The following CALN1 variants were observed in gnomAD, a reference collection of about 807,000 sequenced individuals.
The protein encoded by CALN1 is calneuron 1, also known as calcium-binding protein 8.
A neutral mutation model predicts 30.6 loss-of-function variants in CALN1; 17 were observed. The ratio of observed to expected loss-of-function variants is 0.56; its 90% CI spans 0.38 to 0.83. The LOEUF is 0.83. Among genes scored for constraint, CALN1 ranks in the 40% least tolerant of loss-of-function variants. CALN1 has a pLI of 0.00. For synonymous variants in CALN1, 156 were observed against 131.4 expected (o/e 1.19, Z -1.28); for missense variants, 291 against 354.9 (o/e 0.82, Z 1.45).
At chr7:72,030,986 C>T (rs1023777653) in intron 4 of CALN1, among the ~76,000 whole-genome samples, 3 of 152,108 alleles carry the variant, frequency 2.0e-5, no homozygotes, top group Non-Finnish European at 4.4e-5. Context: ...TACCTGCCAC[C>T]GCCTCCCAAA....
chr7:72,190,299 C>T (rs181423173), intron 3 of CALN1, among the ~76,000 whole-genome samples: 13 of 152,202 alleles, frequency 8.5e-5, no homozygotes, highest in Non-Finnish European at 1.6e-4. Context: ...TGAGCCGAGC[C>T]GAGATTGCAC....
At chr7:72,205,551 A>AAAAAATATATATACATATATATACAC in intron 3 of CALN1, among the ~76,000 whole-genome samples, 1 of 83,050 alleles carries the variant, frequency 1.2e-5, no homozygotes, top group African/African-American at 7.5e-5. Context: ...GCAAAAAAAA[A>AAAAAATATATATACATATATATACAC]ATATATATAT....
intron 4 of CALN1, among the ~76,000 whole-genome samples, chr7:72,036,875 GAT>G (rs1476215544): frequency 2.0e-5 from 3 of 151,436 alleles, no homozygotes; most frequent in African/African-American, 4.9e-5. Flanking sequence ...CTGAAAACTG[GAT>G]ATGTTAATGT....
the CALN1 span, among the ~76,000 whole-genome samples, chr7:72,483,280 C>CTTTT: frequency 1.3e-4 from 13 of 100,100 alleles, no homozygotes; most frequent in African/African-American, 2.1e-4. Flanking sequence ...TTTTCTTTTT[C>CTTTT]TTTTTTTTTT....
chr7:72,157,530 T>G (rs970443383), intron 3 of CALN1, among the ~76,000 whole-genome samples: 1 of 151,816 alleles, frequency 6.6e-6, no homozygotes. Flanking sequence ...GAGAAGGATT[T>G]AATCATGTAA....
intron 5 of CALN1, among the ~76,000 whole-genome samples, chr7:71,851,972 T>C (rs536923160): frequency 6.6e-6 from 1 of 152,150 alleles, no homozygotes; most frequent in Admixed American, 6.5e-5. Flanking sequence ...TTAATGACCC[T>C]GCAGAACCCG....
chr7:72,100,933 C>T (rs1352675633), intron 4 of CALN1, among the ~76,000 whole-genome samples: 2 of 151,252 alleles, frequency 1.3e-5, no homozygotes, highest in Admixed American at 1.3e-4. Flanking sequence ...TAATTCCATT[C>T]ACATTTAGTC....
intron 2 of CALN1, among the ~76,000 whole-genome samples, chr7:72,393,169 T>C (rs1476622110): frequency 1.3e-5 from 2 of 152,106 alleles, no homozygotes; most frequent in Non-Finnish European, 2.9e-5. Flanking sequence ...TATTTTTGCC[T>C]TAAAAACTAG....
At chr7:71,994,894 C>G (rs1197268722) in intron 5 of CALN1, among the ~76,000 whole-genome samples, 1 of 151,124 alleles carries the variant, frequency 6.6e-6, no homozygotes, top group Non-Finnish European at 1.5e-5. Context: ...GCTCTGTCCC[C>G]CAGGCTGGAG....
At chr7:72,007,609 A>G (rs540891960) in intron 5 of CALN1, among the ~76,000 whole-genome samples, 15 of 152,174 alleles carry the variant, frequency 9.9e-5, no homozygotes, top group Admixed American at 9.8e-4. Context: ...ATTCATTATC[A>G]ATTTATTTAA....
At position 72,000,173 on chromosome 7, in the gene CALN1, T is replaced by C. The variant is rs960918507; in HGVS notation, c.501+23484A>G. Among the ~76,000 whole-genome samples the C allele has an allele frequency of 3.3e-5, 5 of 151,708 alleles. 1 individual carries two copies. The highest frequency in any genetic ancestry group is 5.9e-5 in the Non-Finnish European group (4 of 67,940). ...AAAGCAGGTGGAAAGAAGCAAATAG[T>C]AAGCTAAGAGCAGAAAACAATGAAA... On this transcript the variant is annotated intron_variant, in intron 5 of 6. Transcript: ENST00000395275.
intron 4 of CALN1, among the ~76,000 whole-genome samples, chr7:72,080,851 G>C (rs980592711): frequency 1.3e-5 from 2 of 152,136 alleles, no homozygotes; most frequent in African/African-American, 2.4e-5. Flanking sequence ...CAACAGGTTT[G>C]AGATCGTGTT....
intron 3 of CALN1, among the ~76,000 whole-genome samples, chr7:72,149,917 C>T (rs1359390086): frequency 6.6e-6 from 1 of 151,726 alleles, no homozygotes; most frequent in Non-Finnish European, 1.5e-5. Flanking sequence ...AATTCGAGAC[C>T]AGCCTGGCCA....
chr7:72,359,234 A>G (rs980540427), intron 2 of CALN1, among the ~76,000 whole-genome samples: 3 of 152,048 alleles, frequency 2.0e-5, no homozygotes, highest in Non-Finnish European at 4.4e-5. Context: ...CACTCTTGGC[A>G]CCTTCCTCCT....
intron 3 of CALN1, among the ~76,000 whole-genome samples, chr7:72,223,691 C>G (rs1005729628): frequency 6.6e-6 from 1 of 152,156 alleles, no homozygotes; most frequent in Non-Finnish European, 1.5e-5. Flanking sequence ...TGAAAAGCCA[C>G]CCGCACTAGC....
At chr7:72,126,234 A>T (rs1212684110) in intron 3 of CALN1, among the ~76,000 whole-genome samples, 1 of 152,106 alleles carries the variant, frequency 6.6e-6, no homozygotes, top group Non-Finnish European at 1.5e-5. Flanking sequence ...AAGTTGCTTC[A>T]AAGGCCATTA....
At chr7:72,470,000 C>T in the CALN1 span, among the ~76,000 whole-genome samples, 2 of 152,254 alleles carry the variant, frequency 1.3e-5, no homozygotes, top group South Asian at 4.2e-4. Flanking sequence ...TGTAGAATTA[C>T]TCCCTTCAGT....
intron 2 of CALN1, among the ~76,000 whole-genome samples, chr7:72,330,147 T>C (rs966164444): frequency 6.7e-6 from 1 of 150,322 alleles, no homozygotes; most frequent in African/African-American, 2.5e-5. Context: ...ACAAAATTTA[T>C]CTGGGCGTGG....
At chr7:71,940,877 G>T (rs1298321796) in intron 5 of CALN1, among the ~76,000 whole-genome samples, 1 of 152,126 alleles carries the variant, frequency 6.6e-6, no homozygotes, top group African/African-American at 2.4e-5. Context: ...CTCCCAAGGT[G>T]CTGAGATTAC....
Sources: gnomAD v4.1 joint callset for allele counts (sites outside exome capture counted in the v4.1 genomes callset) on GRCh38, gnomAD v4.1.1 for gene constraint, MANE v1.5 for transcripts, NCBI Gene and HGNC (gene_info 2026-07-23, HGNC 2026-07-21) for gene names.